ZDHHC17: variants seen among roughly 807,000 people sequenced by gnomAD.
ZDHHC17 encodes palmitoyltransferase ZDHHC17.
Under a neutral mutation model 90.3 loss-of-function variants are expected in ZDHHC17, and 40 were observed. The ratio of observed to expected loss-of-function variants is 0.44; its 90% CI spans 0.34 to 0.58. ZDHHC17 has a LOEUF of 0.58. ZDHHC17 is among the 20% of genes least tolerant of loss of function. The pLI is 0.01. For synonymous variants in ZDHHC17, 235 were observed against 252.4 expected (o/e 0.93, Z 0.65); for missense variants, 614 against 780.8 (o/e 0.79, Z 2.55).
chr12:76,773,927 C>G (rs1952524970), intron 1 of ZDHHC17, among the ~76,000 whole-genome samples: 1 of 152,044 alleles, frequency 6.6e-6, no homozygotes. Context: ...TCAGTCTATT[C>G]TTTTGCTTAG....
chr12:76,808,182 A>G (rs576317852), intron 3 of ZDHHC17, among the ~76,000 whole-genome samples: 2 of 152,362 alleles, frequency 1.3e-5, no homozygotes, highest in African/African-American at 4.8e-5. Context: ...TTACTGATCT[A>G]GAGCAGTAAT....
At chr12:76,836,805 G>T (rs563154719) in intron 10 of ZDHHC17, among the ~76,000 whole-genome samples, 2 of 152,150 alleles carry the variant, frequency 1.3e-5, no homozygotes, top group South Asian at 4.2e-4. Flanking sequence ...TATTTAGGAG[G>T]TTCTCTTTGT....
chr12:76,772,535 GTT>G (rs34950061), intron 1 of ZDHHC17, among the ~76,000 whole-genome samples: 1,593 of 98,572 alleles, frequency 0.016, 10 homozygotes, highest in Non-Finnish European at 0.024. Flanking sequence ...CTTAACACTT[GTT>G]TTTTTTTTTT....
At chr12:76,843,046 G>T in intron 12 of ZDHHC17, 65 bp downstream of exon 12, 1 of 1,281,028 alleles carries the variant, frequency 7.8e-7, no homozygotes, top group Non-Finnish European at 1.1e-6. Flanking sequence ...AGCATAGCGG[G>T]TATGGGGTGT....
At chr12:76,764,421 GT>G in intron 1 of ZDHHC17, 92 bp downstream of exon 1, 10 of 1,226,698 alleles carry the variant, frequency 8.2e-6, no homozygotes, top group Non-Finnish European at 1.1e-5. Flanking sequence ...CGTGTGTGGG[GT>G]AGTGGGACGT....
intron 1 of ZDHHC17, among the ~76,000 whole-genome samples, chr12:76,771,915 A>G (rs1249938749): frequency 6.6e-6 from 1 of 152,120 alleles, no homozygotes; most frequent in Non-Finnish European, 1.5e-5. Context: ...ATCAAACACA[A>G]CTGGAACCTG....
chr12:76,843,812 A>C (rs547314850), intron 12 of ZDHHC17: 12 of 152,254 alleles, frequency 7.9e-5, no homozygotes, highest in Middle Eastern at 3.4e-3. Context: ...CTGATTAATA[A>C]TAAAGTCATT....
At chr12:76,808,954 A>G (rs1193657592) in intron 3 of ZDHHC17, 89 bp from the exon 4 acceptor site, 3 of 755,338 alleles carry the variant, frequency 4.0e-6, no homozygotes, top group Non-Finnish European at 5.8e-6. Flanking sequence ...GAGATCTGAA[A>G]TAGAAAACAT....
chr12:76,839,724 T>C (rs189044679), intron 10 of ZDHHC17, among the ~76,000 whole-genome samples: 12 of 152,306 alleles, frequency 7.9e-5, no homozygotes, highest in South Asian at 4.1e-4. Context: ...ATTAAAACGA[T>C]AAAATAGCAG....
At chr12:76,767,962 C>A (rs1565753320) in intron 1 of ZDHHC17, among the ~76,000 whole-genome samples, 1 of 151,634 alleles carries the variant, frequency 6.6e-6, no homozygotes, top group Non-Finnish European at 1.5e-5. Flanking sequence ...GTAGCTTCTG[C>A]AGCTTACTGT....
intron 3 of ZDHHC17, 63 bp from the exon 4 acceptor site, chr12:76,808,980 T>C: frequency 9.0e-7 from 1 of 1,115,404 alleles, no homozygotes; most frequent in South Asian, 2.0e-5. Context: ...TACATATTTT[T>C]CACAAAATTT....
chr12:76,838,629 G>C (rs761970062), intron 10 of ZDHHC17, among the ~76,000 whole-genome samples: 3 of 152,058 alleles, frequency 2.0e-5, no homozygotes, highest in East Asian at 1.9e-4. Flanking sequence ...TTTATTCTAC[G>C]CAGCCTTAGA....
chr12:76,774,286 G>GTATGTGTATGTGTATGTA, intron 1 of ZDHHC17, among the ~76,000 whole-genome samples: 1 of 151,806 alleles, frequency 6.6e-6, no homozygotes, highest in East Asian at 1.9e-4. Flanking sequence ...ATGTGTATGT[G>GTATGTGTATGTGTATGTA]TATGTGTGTA....
chr12:76,828,645 T>C (rs193116552), intron 10 of ZDHHC17, among the ~76,000 whole-genome samples, 155 bp downstream of exon 10: 1 of 152,204 alleles, frequency 6.6e-6, no homozygotes, highest in Non-Finnish European at 1.5e-5. Flanking sequence ...GTAATGTTTT[T>C]AAATATTTAA....
In ZDHHC17 at chr12:76,825,965, C is replaced by T. The variant is rs6539706; in HGVS notation, c.898-943C>T. Among the ~76,000 whole-genome samples the T allele has an allele frequency of 3.0e-3, 454 of 152,158 alleles. 6 individuals carry two copies. The highest frequency in any genetic ancestry group is 0.011 in the African/African-American group (439 of 41,538). ...GAGTAGCTGGGATACAGTACAGGTG[C>T]GTGCTACCATGCCCAGATAATTTTT... is the stretch of plus-strand genomic sequence containing the variant. On this transcript the variant is annotated intron_variant, in intron 8 of 16. Coordinates refer to ENST00000426126, the MANE Select transcript of ZDHHC17 (RefSeq NM_015336.4).
At chr12:76,837,801 T>C (rs895790666) in intron 10 of ZDHHC17, among the ~76,000 whole-genome samples, 6 of 152,122 alleles carry the variant, frequency 3.9e-5, no homozygotes, top group African/African-American at 9.7e-5. Context: ...TACTTTTGTC[T>C]CTACTCTTTA....
chr12:76,776,496 C>T (rs1234882576), intron 1 of ZDHHC17, among the ~76,000 whole-genome samples: 1 of 151,960 alleles, frequency 6.6e-6, no homozygotes, highest in Non-Finnish European at 1.5e-5. Flanking sequence ...ATATTTATTT[C>T]CTTGTTTTTA....
chr12:76,823,413 T>C (rs17814011), intron 8 of ZDHHC17, among the ~76,000 whole-genome samples: 8,619 of 152,308 alleles, frequency 0.057, 354 homozygotes, highest in Middle Eastern at 0.089. Context: ...TGCCTGATTA[T>C]ATGATACTAA....
chr12:76,772,803 C>A (rs145988324), intron 1 of ZDHHC17, among the ~76,000 whole-genome samples: 1 of 151,782 alleles, frequency 6.6e-6, no homozygotes, highest in South Asian at 2.1e-4. Context: ...CCTCGGCCTC[C>A]CAAAGTGCTG....
Sources: allele counts gnomAD v4.1 joint callset (sites outside exome capture counted in the v4.1 genomes callset), GRCh38; gene constraint gnomAD v4.1.1; transcripts MANE v1.5; gene names NCBI Gene and HGNC (gene_info 2026-07-23, HGNC 2026-07-21).